Variants in CPA6 observed in about 807,000 individuals in gnomAD.
The protein encoded by CPA6 is carboxypeptidase A6, also known as carboxypeptidase B.
Under a neutral mutation model 63.3 loss-of-function variants are expected in CPA6, and 58 were observed. That is an observed-to-expected ratio of 0.92 (90% confidence interval 0.74 to 1.14). The LOEUF (loss-of-function observed/expected upper bound fraction) is 1.14. CPA6 is among the 50% of genes most tolerant of loss of function. The probability of loss-of-function intolerance (pLI) is 0.00; values close to 1 mark genes in which losing one functional copy is unlikely to be tolerated. For missense variants in CPA6, 565 were observed against 526.6 expected, an observed-to-expected ratio of 1.07 and a Z score of -0.71; for synonymous variants, 185 against 179.0, an observed-to-expected ratio of 1.03 and a Z score of -0.27.
intron 1 of CPA6, among the ~76,000 whole-genome samples, chr8:67,688,678 C>T (rs982006413): frequency 2.0e-5 from 3 of 152,114 alleles, no homozygotes; most frequent in African/African-American, 7.2e-5. Flanking sequence ...TTTTTCATGA[C>T]ATTGTACACT....
intron 6 of CPA6, among the ~76,000 whole-genome samples, chr8:67,496,555 ATATTTAT>A (rs1811721556): frequency 2.0e-5 from 2 of 101,014 alleles, no homozygotes; most frequent in African/African-American, 3.3e-5. Flanking sequence ...ATATATATAT[ATATTTAT>A]TTTATTTTTT....
chr8:67,630,531 T>C (rs1815299904), intron 1 of CPA6, among the ~76,000 whole-genome samples: 1 of 152,266 alleles, frequency 6.6e-6, no homozygotes, highest in East Asian at 1.9e-4. Flanking sequence ...TTTAAAGAAA[T>C]GGCTGGATTT....
intron 8 of CPA6, among the ~76,000 whole-genome samples, chr8:67,446,092 G>C (rs982938080): frequency 1.3e-5 from 2 of 152,038 alleles, no homozygotes; most frequent in South Asian, 4.2e-4. Context: ...GTGAAACCCT[G>C]TCTCTACTAA....
intron 8 of CPA6, among the ~76,000 whole-genome samples, chr8:67,434,880 C>T (rs1347004241): frequency 6.6e-6 from 1 of 152,232 alleles, no homozygotes; most frequent in African/African-American, 2.4e-5. Flanking sequence ...CCCCTCCTGA[C>T]CCCCCAAGTG....
At chr8:67,483,956 G>A (rs944372556) in intron 7 of CPA6, 98 bp from the exon 8 acceptor site, 63 of 987,202 alleles carry the variant, frequency 6.4e-5, no homozygotes, top group Non-Finnish European at 9.3e-5. Context: ...ATACCACTGA[G>A]GGGAGAGTTC....
At chr8:67,650,945 A>C (rs1389513143) in intron 1 of CPA6, among the ~76,000 whole-genome samples, 2 of 152,160 alleles carry the variant, frequency 1.3e-5, no homozygotes, top group Non-Finnish European at 2.9e-5. Flanking sequence ...CTGAGGCTGC[A>C]GATTTTTGGC....
chr8:67,475,781 CTTT>C (rs1563967259), intron 8 of CPA6, among the ~76,000 whole-genome samples: 93 of 56,732 alleles, frequency 1.6e-3, no homozygotes, highest in African/African-American at 2.5e-3. Context: ...TTCTTTCTTT[CTTT>C]CTTTCTTTCT....
intron 1 of CPA6, among the ~76,000 whole-genome samples, chr8:67,741,178 A>G (rs1175337581): frequency 2.6e-5 from 4 of 152,182 alleles, no homozygotes; most frequent in Non-Finnish European, 5.9e-5. Flanking sequence ...CAGGGCTGTC[A>G]TGAGAAAAAA....
chr8:67,453,684 T>G (rs1179823128), intron 8 of CPA6, among the ~76,000 whole-genome samples: 1 of 152,116 alleles, frequency 6.6e-6, no homozygotes, highest in African/African-American at 2.4e-5. Context: ...AAAATAGATT[T>G]GGCGTCTTCT....
At chr8:67,475,928 TTCTTTCTCTTTCTTTCTCTG>T (rs1563968272) in intron 8 of CPA6, among the ~76,000 whole-genome samples, 3 of 93,070 alleles carry the variant, frequency 3.2e-5, no homozygotes, top group Admixed American at 2.2e-4. Context: ...CTTTCTTTCT[TTCTTTCTCTTTCTTTCTCTG>T]TCTTTCTTTC....
chr8:67,626,867 C>CT lies in CPA6; in HGVS notation c.117-2617dup, dbSNP rs200573210. Among the ~76,000 whole-genome samples, 1,226 of 141,998 alleles carry CT rather than the reference C, an allele frequency of 8.6e-3. 29 individuals are homozygous for CT. The East Asian group carries it at 0.1, about 12-fold the overall frequency. 93.2% of individuals were successfully genotyped at this position (141,998 alleles called of 152,430 possible). ...AGCTGTTTTACAGCCATGAGAATAA[C>CT]TTTTTTTTTTTTTTTTAAAGATGGA... On this transcript the variant is annotated intron_variant, in intron 1 of 10. Coordinates refer to ENST00000297770, the MANE Select transcript of CPA6 (RefSeq NM_020361.5).
At chr8:67,623,234 C>T (rs755974934) in intron 2 of CPA6, among the ~76,000 whole-genome samples, 2 of 152,144 alleles carry the variant, frequency 1.3e-5, no homozygotes, top group Non-Finnish European at 2.9e-5. Flanking sequence ...AAACAGGAAA[C>T]TGAATTCATT....
chr8:67,604,940 AT>A (rs993836599), intron 2 of CPA6, among the ~76,000 whole-genome samples: 5 of 150,732 alleles, frequency 3.3e-5, no homozygotes, highest in South Asian at 2.1e-4. Context: ...ACCATGCCTA[AT>A]TTTTTTTTGT....
At chr8:67,629,521 T>C (rs1393181428) in intron 1 of CPA6, among the ~76,000 whole-genome samples, 8 of 151,170 alleles carry the variant, frequency 5.3e-5, no homozygotes, top group African/African-American at 1.7e-4. Context: ...ACTTCTAATA[T>C]TAAACATTGA....
chr8:67,640,057 A>G (rs58565944), intron 1 of CPA6, among the ~76,000 whole-genome samples: 52,999 of 150,402 alleles, frequency 0.35, 10,237 homozygotes, highest in African/African-American at 0.46. Flanking sequence ...TGAGTCTGGG[A>G]ATTTCATGGG....
intron 1 of CPA6, among the ~76,000 whole-genome samples, chr8:67,745,094 A>T (rs766542029): frequency 6.6e-6 from 1 of 152,246 alleles, no homozygotes. Context: ...CTACCTTGTC[A>T]TGATCCAGAT....
chr8:67,665,254 G>A (rs1195535854), intron 1 of CPA6, among the ~76,000 whole-genome samples: 1 of 152,206 alleles, frequency 6.6e-6, no homozygotes, highest in African/African-American at 2.4e-5. Context: ...CATTACGTTT[G>A]TCTTCTGAGT....
intron 8 of CPA6, among the ~76,000 whole-genome samples, chr8:67,439,238 A>C (rs1810233174): frequency 6.6e-6 from 1 of 152,072 alleles, no homozygotes; most frequent in African/African-American, 2.4e-5. Flanking sequence ...GGTTACAGTG[A>C]GTTGTGATGG....
intron 2 of CPA6, among the ~76,000 whole-genome samples, chr8:67,544,007 C>G (rs2134598): frequency 2.0e-5 from 3 of 151,804 alleles, no homozygotes; most frequent in Non-Finnish European, 4.4e-5. Flanking sequence ...AGGCTAGTCT[C>G]GAACTCCTGG....
Sources: gnomAD v4.1 joint callset for allele counts (sites outside exome capture counted in the v4.1 genomes callset) on GRCh38, gnomAD v4.1.1 for gene constraint, MANE v1.5 for transcripts, NCBI Gene and HGNC (gene_info 2026-07-23, HGNC 2026-07-21) for gene names.